LRRIQ1: variants seen among roughly 807,000 people sequenced by gnomAD.
The protein encoded by LRRIQ1 is leucine-rich repeat- and IQ domain-containing protein 1.
A neutral mutation model predicts 211.9 loss-of-function variants in LRRIQ1; 210 were observed. That is an observed-to-expected ratio of 0.99 (90% CI 0.89 to 1.11). The LOEUF (loss-of-function observed/expected upper bound fraction) is 1.11. LRRIQ1 is among the 50% of genes most tolerant of loss of function. LRRIQ1 has a pLI of 0.00. For missense variants in LRRIQ1, 2,136 were observed against 1,939.5 expected (o/e 1.10, Z -1.90); for synonymous variants, 699 against 650.1 (o/e 1.08, Z -1.14).
At chr12:85,062,124 G>A (rs1384226817) in intron 8 of LRRIQ1, among the ~76,000 whole-genome samples, 3 of 151,810 alleles carry the variant, frequency 2.0e-5, no homozygotes, top group Admixed American at 6.6e-5. Flanking sequence ...TGAAATAATA[G>A]TGCTTCCAAT....
In LRRIQ1 at chr12:85,038,155, C is replaced by A. The variant is rs747891458; in HGVS notation, c.-22C>A. The A allele has an allele frequency of 6.8e-7, 1 of 1,470,926 alleles. No individual in the cohort carries two copies. Among genetic ancestry groups the A allele is most frequent in the East Asian group, 2.6e-5 (1 of 38,552 alleles). The allele number at this position is 1,470,926 out of a possible 1,614,324, so 91.1% of individuals were successfully genotyped here. On this transcript the variant is annotated splice_region_variant and 5_prime_UTR_variant, in exon 2 of 27. In the 5' UTR this introduces an upstream ATG that the reference lacks. Transcript: ENST00000393217. ...AGCCTCTTCATTTTTTAAAGCAGTT[C>A]TGTGCTTTATTATGAAGAATAATGG...
chr12:85,148,234 A>G (rs370568758), intron 19 of LRRIQ1, among the ~76,000 whole-genome samples: 5 of 151,624 alleles, frequency 3.3e-5, no homozygotes, highest in African/African-American at 1.2e-4. Flanking sequence ...GATTTGTTAC[A>G]TAGGTATACG....
At chr12:85,251,461 T>C (rs1895941619) in intron 1 of LRRIQ1, among the ~76,000 whole-genome samples, 1 of 151,904 alleles carries the variant, frequency 6.6e-6, no homozygotes, top group African/African-American at 2.4e-5. Context: ...GTTTTAAACA[T>C]GGTGAGTGTG....
intron 1 of LRRIQ1, among the ~76,000 whole-genome samples, chr12:85,251,715 A>G (rs899875689): frequency 6.6e-6 from 1 of 151,776 alleles, no homozygotes; most frequent in African/African-American, 2.4e-5. Context: ...GTCCATTAAG[A>G]GAACATTATG....
intron 13 of LRRIQ1, among the ~76,000 whole-genome samples, chr12:85,100,354 T>G (rs531097763): frequency 6.6e-6 from 1 of 151,856 alleles, no homozygotes; most frequent in South Asian, 2.1e-4. Context: ...CATATGCATA[T>G]CAAGCTGATA....
chr12:85,206,275 G>T (rs985405690), intron 24 of LRRIQ1, among the ~76,000 whole-genome samples: 1 of 152,204 alleles, frequency 6.6e-6, no homozygotes, highest in Non-Finnish European at 1.5e-5. Flanking sequence ...CATGGGTGGG[G>T]TGCTGGCAGG....
intron 8 of LRRIQ1, among the ~76,000 whole-genome samples, chr12:85,058,766 A>G (rs1043196779): frequency 6.6e-6 from 1 of 151,986 alleles, no homozygotes; most frequent in Non-Finnish European, 1.5e-5. Context: ...AGAAATGTGG[A>G]TTCTGATTCA....
chr12:85,097,724 C>T (rs1258378714), intron 11 of LRRIQ1, among the ~76,000 whole-genome samples: 1 of 152,130 alleles, frequency 6.6e-6, no homozygotes, highest in Non-Finnish European at 1.5e-5. Flanking sequence ...ACTTCCTCAG[C>T]ATCTTTTTCT....
In LRRIQ1 at chr12:85,056,381, T is replaced by A. The variant is rs918957946; in HGVS notation, c.1588T>A (p.Leu530Ile). Reference sequence around the variant, plus strand: ...GAAAGAACAGTTTCCATTGCAAGAATTAAAGTCTGATGCACAAAAAGAAGA... The same window carrying A: ...GAAAGAACAGTTTCCATTGCAAGAAATAAAGTCTGATGCACAAAAAGAAGA... ...NLKEQFPLQE[L>I]KSDAQKEEKI... The change falls in exon 8 of 27, where the codon TTA becomes ATA. Residue 530 changes from leucine to isoleucine, a missense_variant. Physicochemically the swap from Leu to Ile is conservative, Grantham distance 5 (BLOSUM62 2). Transcript: ENST00000393217. 5 of 1,590,254 alleles carry A rather than the reference T, an allele frequency of 3.1e-6. No individual in the cohort carries two copies. Among genetic ancestry groups the A allele is most frequent in the African/African-American group, 1.4e-5 (1 of 73,192 alleles).
rs527972805 is a variant in LRRIQ1 at position 85,241,579 on chromosome 12, A to T, written c.5017-3210A>T. Among the ~76,000 whole-genome samples the T allele has an allele frequency of 2.0e-5, 3 of 152,086 alleles. No individual in the cohort carries two copies. The East Asian group carries it at 5.8e-4, about 29-fold the overall frequency. On this transcript the variant is annotated intron_variant, in intron 26 of 26. Transcript: ENST00000393217. Reference sequence around the variant, plus strand: ...ACTAAATCTAGATCTCACATATATAATGTACAGTGAAAAAAGCAAGCAGCA... The same window carrying T: ...ACTAAATCTAGATCTCACATATATATTGTACAGTGAAAAAAGCAAGCAGCA...
At chr12:85,182,442 T>G (rs1260175546) in intron 24 of LRRIQ1, among the ~76,000 whole-genome samples, 3 of 152,168 alleles carry the variant, frequency 2.0e-5, no homozygotes, top group Non-Finnish European at 4.4e-5. Flanking sequence ...TTGAAAGCCC[T>G]ACAAACTGGG....
intron 26 of LRRIQ1, among the ~76,000 whole-genome samples, chr12:85,239,456 T>C (rs540171114): frequency 3.5e-5 from 5 of 141,344 alleles, no homozygotes; most frequent in African/African-American, 1.6e-4. Context: ...CAAGAATCTA[T>C]CAATGGAAAG....
chr12:85,229,007 A>G (rs1372807415), intron 24 of LRRIQ1, among the ~76,000 whole-genome samples: 1 of 152,182 alleles, frequency 6.6e-6, no homozygotes, highest in Non-Finnish European at 1.5e-5. Flanking sequence ...TAAAACAACT[A>G]GTCTTCAGTG....
chr12:85,063,774 A>G (rs1182447600), intron 8 of LRRIQ1, among the ~76,000 whole-genome samples: 1 of 151,752 alleles, frequency 6.6e-6, no homozygotes, highest in Non-Finnish European at 1.5e-5. Flanking sequence ...GTTCCCACAA[A>G]TAAGCGAGGA....
intron 18 of LRRIQ1, among the ~76,000 whole-genome samples, chr12:85,132,514 T>C (rs1177578444): frequency 2.0e-5 from 3 of 152,094 alleles, no homozygotes; most frequent in African/African-American, 7.2e-5. Flanking sequence ...ACTCCTGTAA[T>C]CTCAGCACTT....
In LRRIQ1 at chr12:85,144,923, TTTTG is replaced by T. The variant is rs573899829; in HGVS notation, c.4329+6966_4329+6969del. Among the ~76,000 whole-genome samples the T allele has an allele frequency of 2.3e-3, 354 of 151,806 alleles. 2 individuals are homozygous for T. The highest frequency in any genetic ancestry group is 7.1e-3 in the African/African-American group (296 of 41,502). On this transcript the variant is annotated intron_variant, in intron 19 of 26. Transcript: ENST00000393217. The stretch of plus-strand genomic sequence containing the variant: ...AACTTCAGATGATGTAATTGAATTG[TTTTG>T]TTTGTTTGTTTTTGTTTTTTGTTTT...
Position 85,127,972 on chromosome 12 carries a change from G to A in LRRIQ1, c.4148G>A (p.Gly1383Glu), listed in dbSNP as rs771154924. The change falls in exon 18 of 27, where the codon GGA (glycine) becomes GAA (glutamate). Residue 1383 changes from glycine to glutamate, a missense_variant. Coordinates refer to ENST00000393217, the MANE Select transcript of LRRIQ1 (RefSeq NM_001079910.2). ...SIKNQTILKK[G>E]KRENIVNIRK... ...AAGAATCAGACTATTTTAAAGAAAG[G>A]AAAAAGAGAAAATATTGTGAATATC... 1 of 1,613,632 alleles carries A rather than the reference G, an allele frequency of 6.2e-7. No homozygotes were observed. The highest frequency in any genetic ancestry group is 1.1e-5 in the South Asian group (1 of 91,078).
intron 23 of LRRIQ1, among the ~76,000 whole-genome samples, chr12:85,155,816 T>C (rs1368245358): frequency 6.6e-6 from 1 of 151,742 alleles, no homozygotes; most frequent in Non-Finnish European, 1.5e-5. Flanking sequence ...CCAACTCTTG[T>C]AATTGAGGGT....
Position 85,124,263 on chromosome 12 carries a change from T to A in LRRIQ1, c.3751T>A (p.Ser1251Thr), listed in dbSNP as rs566518078. The change falls in exon 17 of 27, where the codon TCT (serine) becomes ACT (threonine). Residue 1251 changes from serine to threonine, a missense_variant. Physicochemically the swap from Ser to Thr is moderately conservative, Grantham distance 58. Transcript: ENST00000393217. ...DSTLQNGVFY[S>T]CAREGEPDSP... ...CACTCTGCAAAATGGAGTCTTCTAC[T>A]CTTGTGCACGTGAAGGTGAGCCAGA... 1 of 1,614,082 alleles carries A rather than the reference T, an allele frequency of 6.2e-7. No homozygotes were observed. Among genetic ancestry groups the A allele is most frequent in the East Asian group, 2.2e-5 (1 of 44,858 alleles).
Sources: gnomAD v4.1 joint callset for allele counts (sites outside exome capture counted in the v4.1 genomes callset) on GRCh38, gnomAD v4.1.1 for gene constraint, MANE v1.5 for transcripts, NCBI Gene and HGNC (gene_info 2026-07-23, HGNC 2026-07-21) for gene names.